The following TEX15 variants were observed in gnomAD, a reference collection of about 807,000 sequenced individuals.
TEX15 encodes the protein testis expressed 15, meiosis and synapsis associated.
A neutral mutation model predicts 237.3 loss-of-function variants in TEX15; 171 were observed. The ratio of observed to expected loss-of-function variants is 0.72; its 90% CI spans 0.64 to 0.82. TEX15 has a LOEUF of 0.82. Ranked by LOEUF, TEX15 falls within the 40% of genes least tolerant of loss-of-function variation. TEX15 has a pLI of 0.00. For synonymous variants in TEX15, 1,338 were observed against 1,269.8 expected (o/e 1.05, Z -1.14); for missense variants, 3,750 against 3,646.5 (o/e 1.03, Z -0.73).
Position 30,837,567 on chromosome 8 carries a change from T to C in TEX15, c.8717A>G (p.His2906Arg), listed in dbSNP as rs1333091368. Residue 2906 changes from histidine to arginine, a missense_variant, in exon 10 of 11, where the codon CAT (histidine) becomes CGT (arginine). Coordinates refer to ENST00000643185, the MANE Select transcript of TEX15 (RefSeq NM_001350162.2). ...KPIFCFVKDV[H>R]PDLEMNDTVF... ...TGTGTCATTCATTTCTAGATCAGGATGGACATCTTTCACAAAACAGAAAAT... is the reference window on the plus strand; with the variant it reads ...TGTGTCATTCATTTCTAGATCAGGACGGACATCTTTCACAAAACAGAAAAT... 2 of 1,613,900 alleles carry C rather than the reference T, an allele frequency of 1.2e-6. No individual in the cohort carries two copies. The highest frequency in any genetic ancestry group is 1.3e-5 in the African/African-American group (1 of 74,922).
Position 30,849,326 on chromosome 8 carries a change from T to C in TEX15, c.851-10A>G, listed in dbSNP as rs950993499. 7.5e-6 allele frequency: 11 copies of C among 1,472,402 alleles called. No homozygotes were observed. The highest frequency in any genetic ancestry group is 2.5e-5 in the East Asian group (1 of 40,366). 91.2% of individuals were successfully genotyped at this position (1,472,402 alleles called of 1,614,324 possible). A position where few individuals can be genotyped will look rare whatever the true frequency, so the allele number is the denominator to read the frequency against. On this transcript the variant is annotated splice_polypyrimidine_tract_variant and intron_variant, in intron 7 of 10. Transcript: ENST00000643185. ...AGAGAGCATGTCCTTTCTGTGGAAA[T>C]AATAAGGAAGACAAATTTGAAAAAA...
chr8:30,833,975 G>C (rs1044749813), intron 10 of TEX15, among the ~76,000 whole-genome samples: 1 of 152,016 alleles, frequency 6.6e-6, no homozygotes, highest in Non-Finnish European at 1.5e-5. Flanking sequence ...AAGAACAAAA[G>C]AAAGCCCAAA....
Position 30,847,932 on chromosome 8 carries a change from T to TA in TEX15, c.2234dup (p.Met746AsnfsTer14), listed in dbSNP as rs1563243179. 1.2e-6 allele frequency: 2 copies of TA among 1,614,040 alleles called. No homozygotes were observed. The highest frequency in any genetic ancestry group is 3.3e-5 in the Admixed American group (2 of 60,026). On this transcript the variant is annotated frameshift_variant, in exon 8 of 11. Transcript: ENST00000643185. LOFTEE classifies it high-confidence loss of function. ...TTATTTTCCCCAATTTCAGTTCCAT[T>TA]AGCTTTTGAGCAATGGCTAAACTTG...
At chr8:30,906,854 G>T (rs1443999170) in intron 1 of TEX15, among the ~76,000 whole-genome samples, 1 of 152,062 alleles carries the variant, frequency 6.6e-6, no homozygotes, top group African/African-American at 2.4e-5. Context: ...AAAGACACTA[G>T]GTTTAATTGA....
At chr8:30,899,508 A>G (rs1004322625) in intron 1 of TEX15, among the ~76,000 whole-genome samples, 1 of 152,124 alleles carries the variant, frequency 6.6e-6, no homozygotes, top group Non-Finnish European at 1.5e-5. Context: ...CAGTGGCATG[A>G]TTTTGGCTCA....
At chr8:30,838,676 T>A (rs1228530571) in intron 9 of TEX15, among the ~76,000 whole-genome samples, 1 of 145,524 alleles carries the variant, frequency 6.9e-6, no homozygotes, top group Non-Finnish European at 1.5e-5. Flanking sequence ...TTAATATAGG[T>A]CCCTGAGGTA....
intron 3 of TEX15, among the ~76,000 whole-genome samples, chr8:30,879,140 C>A (rs947221943): frequency 4.1e-4 from 62 of 150,546 alleles, no homozygotes; most frequent in African/African-American, 1.5e-3. Context: ...TTTTTTTTTA[C>A]CTACTGAACT....
Position 30,848,837 on chromosome 8 carries a change from C to G in TEX15, c.1330G>C (p.Gly444Arg), listed in dbSNP as rs1342059340. The change falls in exon 8 of 11, where the codon GGA (glycine) becomes CGA (arginine). Residue 444 changes from glycine (G) to arginine (R), a missense_variant. Transcript: ENST00000643185. ...PRLMRREESM[G>R]EQSSTAGLNE... is the part of the protein sequence containing the mutation. The stretch of plus-strand genomic sequence containing the variant: ...AAGCCTGCAGTACTACTCTGTTCTC[C>G]CATACTTTCTTCTCTCCTCATCAGT... 1 of 1,614,146 alleles carries G rather than the reference C, an allele frequency of 6.2e-7. No homozygotes were observed.
rs925792851 is a variant in TEX15 at position 30,846,478 on chromosome 8, C to T, written c.3689G>A (p.Gly1230Glu). 5 of 1,613,190 alleles carry T rather than the reference C, an allele frequency of 3.1e-6. No individual in the cohort carries two copies. In the African/African-American group the frequency reaches 5.3e-5, roughly 17 times the overall value. ...DKVDNIRQES[G>E]PVSNSEISLS... Reference sequence around the variant, plus strand: ...GGAGATTTCAGAGTTACTCACTGGCCCTGATTCTTGCCTTATATTATCAAC... The same window carrying T: ...GGAGATTTCAGAGTTACTCACTGGCTCTGATTCTTGCCTTATATTATCAAC... Residue 1230 changes from glycine (G) to glutamate (E), a missense_variant, in exon 8 of 11, where the codon GGG becomes GAG. Physicochemically the swap from Gly to Glu is moderately conservative, Grantham distance 98. Transcript: ENST00000643185.
chr8:30,850,782 T>C (rs1232014269), intron 7 of TEX15, among the ~76,000 whole-genome samples: 1 of 151,820 alleles, frequency 6.6e-6, no homozygotes, highest in Non-Finnish European at 1.5e-5. Flanking sequence ...TGACTGAAAA[T>C]CAGAAAACAT....
Position 30,875,118 on chromosome 8 carries a change from G to C in TEX15, c.137-16C>G, listed in dbSNP as rs1182147486. On this transcript the variant is annotated splice_polypyrimidine_tract_variant and intron_variant, in intron 3 of 10. Coordinates refer to ENST00000643185, the MANE Select transcript of TEX15 (RefSeq NM_001350162.2). ...GACAAGTAAACTAAAGGTAGAAAAAGAGAAAGCAGTTGTATTTAAAATGAC... is the reference window on the plus strand; with the variant it reads ...GACAAGTAAACTAAAGGTAGAAAAACAGAAAGCAGTTGTATTTAAAATGAC... 4 of 1,232,950 alleles carry C rather than the reference G, an allele frequency of 3.2e-6. 1 individual carries two copies. The highest frequency in any genetic ancestry group is 4.1e-6 in the Non-Finnish European group (4 of 985,286). The allele number at this position is 1,232,950 out of a possible 1,614,324, so 76.4% of individuals were successfully genotyped here.
At position 30,851,202 on chromosome 8, in the gene TEX15, T is replaced by C. The variant is rs181824913; in HGVS notation, c.851-1886A>G. 7.6e-4 allele frequency among the ~76,000 whole-genome samples: 116 copies of C among 152,326 alleles called. 1 individual carries two copies. The highest frequency in any genetic ancestry group is 2.6e-4 in the Admixed American group (4 of 15,304). On this transcript the variant is annotated intron_variant, in intron 7 of 10. Coordinates refer to ENST00000643185, the MANE Select transcript of TEX15 (RefSeq NM_001350162.2). Reference sequence around the variant, plus strand: ...AAAATAACCCAAGACAGTTAAAAGCTAGAAACCTAACTATACATCAATATG... The same window carrying C: ...AAAATAACCCAAGACAGTTAAAAGCCAGAAACCTAACTATACATCAATATG...
Position 30,831,817 on chromosome 8 carries a change from A to G in TEX15, c.*1469T>C, listed in dbSNP as rs1807185148. Reference sequence around the variant, plus strand: ...AAACCAAATGACTGAGGGAAACATAAATCAAATGGCTGTTATTCATTTTTG... The same window carrying G: ...AAACCAAATGACTGAGGGAAACATAGATCAAATGGCTGTTATTCATTTTTG... On this transcript the variant is annotated 3_prime_UTR_variant, in exon 11 of 11. Transcript: ENST00000643185. The G allele has an allele frequency of 6.6e-6, 1 of 152,234 alleles. No homozygotes were observed. The highest frequency in any genetic ancestry group is 1.9e-4 in the East Asian group (1 of 5,208). The allele number at this position is 152,234 out of a possible 1,614,324, so 9.4% of individuals were successfully genotyped here. A position where few individuals can be genotyped will look rare whatever the true frequency, so the allele number is the denominator to read the frequency against.
At chr8:30,907,654 T>C (rs1421325196) in intron 1 of TEX15, among the ~76,000 whole-genome samples, 4 of 141,862 alleles carry the variant, frequency 2.8e-5, no homozygotes, top group African/African-American at 1.0e-4. Context: ...TTATATATTA[T>C]ATATAATTTA....
chr8:30,834,329 C>T (rs557541948), intron 10 of TEX15, among the ~76,000 whole-genome samples: 86 of 150,422 alleles, frequency 5.7e-4, no homozygotes, highest in Non-Finnish European at 7.6e-4. Context: ...TGTGCCACCA[C>T]ACCTGGCTAA....
At chr8:30,889,662 T>C (rs1006462497) in intron 2 of TEX15, among the ~76,000 whole-genome samples, 3 of 152,070 alleles carry the variant, frequency 2.0e-5, no homozygotes, top group Non-Finnish European at 4.4e-5. Context: ...CTTCATTAAA[T>C]AAGTTGTGCT....
chr8:30,863,071 C>T (rs554851067), intron 5 of TEX15, among the ~76,000 whole-genome samples: 173 of 152,190 alleles, frequency 1.1e-3, no homozygotes, highest in African/African-American at 3.4e-3. Context: ...TTCAGGGGAA[C>T]GCTTGAATAG....
Position 30,837,061 on chromosome 8 carries a change from C to G in TEX15, c.9223G>C (p.Gly3075Arg). The G allele has an allele frequency of 2.5e-6, 4 of 1,614,094 alleles. No homozygotes were observed. Among genetic ancestry groups the G allele is most frequent in the Non-Finnish European group, 3.4e-6 (4 of 1,180,022 alleles). ...TSYEVQPSPS[G>R]LLTTVASTAQ... is the part of the protein sequence containing the mutation. Reference sequence around the variant, plus strand: ...GTACTTGCAACTGTGGTCAACAGCCCAGAAGGAGATGGCTGTACTTCATAT... The same window carrying G: ...GTACTTGCAACTGTGGTCAACAGCCGAGAAGGAGATGGCTGTACTTCATAT... The change falls in exon 10 of 11, where the codon GGG (glycine) becomes CGG (arginine). Residue 3075 changes from glycine (G) to arginine (R), a missense_variant. Physicochemically the swap from Gly to Arg is moderately radical, Grantham distance 125. Coordinates refer to ENST00000643185, the MANE Select transcript of TEX15 (RefSeq NM_001350162.2).
intron 3 of TEX15, among the ~76,000 whole-genome samples, chr8:30,881,079 A>G (rs1231168274): frequency 6.6e-6 from 1 of 152,138 alleles, no homozygotes; most frequent in African/African-American, 2.4e-5. Flanking sequence ...ATGTTGAATA[A>G]GAGTGGTGCA....
Sources: allele counts gnomAD v4.1 joint callset (sites outside exome capture counted in the v4.1 genomes callset), GRCh38; gene constraint gnomAD v4.1.1; transcripts MANE v1.5; gene names NCBI Gene and HGNC (gene_info 2026-07-23, HGNC 2026-07-21).